Variants in ARRDC2 observed in about 807,000 individuals in gnomAD.
ARRDC2 encodes the protein arrestin domain containing 2, also known as arrestin domain-containing protein 2.
Under a neutral mutation model 38.9 loss-of-function variants are expected in ARRDC2, and 39 were observed. That is an observed-to-expected ratio of 1.00 (90% CI 0.78 to 1.31). The LOEUF (loss-of-function observed/expected upper bound fraction) is 1.31, where lower values mean the gene tolerates loss of function less well. Among genes scored for constraint, ARRDC2 ranks in the 50% most tolerant of loss-of-function variants. ARRDC2 has a pLI of 0.00. For synonymous variants in ARRDC2, 300 were observed against 261.9 expected, an observed-to-expected ratio of 1.15 and a Z score of -1.41; for missense variants, 553 against 588.4, an observed-to-expected ratio of 0.94 and a Z score of 0.62.
Position 18,009,807 on chromosome 19 carries a change from A to G in ARRDC2, c.617A>G (p.Glu206Gly), listed in dbSNP as rs1268182483. ...TPGEVIPVFA[E>G]IDNGSTRPVL... ...GGAGAGGTCATCCCTGTCTTTGCCG[A>G]GATCGACAACGGCTCCACACGTCCT... The change falls in exon 5 of 8, where the codon GAG becomes GGG. Residue 206 changes from glutamate (E) to glycine (G), a missense_variant. Physicochemically the swap from Glu to Gly is moderately conservative, Grantham distance 98. Around this residue, in one of 3 missense-constraint regions of ARRDC2, gnomAD observed 447 missense variants for 456.6 expected, o/e 0.98. Transcript: ENST00000222250. 5 of 1,612,618 alleles carry G rather than the reference A, an allele frequency of 3.1e-6. No individual in the cohort carries two copies. Among genetic ancestry groups the G allele is most frequent in the Non-Finnish European group, 4.2e-6 (5 of 1,179,922 alleles).
At chr19:18,009,535 A>T in intron 3 of ARRDC2, 57 bp from the exon 4 acceptor site, 1 of 1,492,836 alleles carries the variant, frequency 6.7e-7, no homozygotes, top group Non-Finnish European at 9.1e-7. Context: ...GAAGCTCCAC[A>T]GCGACTGTGG....
upstream of ARRDC2, among the ~76,000 whole-genome samples, chr19:18,006,880 A>T (rs886825029): frequency 5.3e-5 from 8 of 152,094 alleles, no homozygotes; most frequent in African/African-American, 1.9e-4. Context: ...TCTCCCCTCT[A>T]GTATCCATTG....
rs1293898658 is a variant in ARRDC2 at position 18,008,599 on chromosome 19, C to A, written c.274+15C>A. The A allele has an allele frequency of 5.0e-6, 8 of 1,593,982 alleles. No individual in the cohort carries two copies. The South Asian group carries it at 6.6e-5, about 13-fold the overall frequency. ...CCTGGCGCCAGGTACGGATGGAGGA[C>A]CCCTGCTCCAACACCAGTTGTGTGC... On this transcript the variant is annotated intron_variant, in intron 1 of 7. Transcript: ENST00000222250.
rs754945995 is a variant in ARRDC2, at chr19:18,009,983, C to A, written c.793C>A (p.Pro265Thr). 3 of 1,602,682 alleles carry A rather than the reference C, an allele frequency of 1.9e-6. No individual in the cohort carries two copies. The highest frequency in any genetic ancestry group is 2.5e-6 in the Non-Finnish European group (3 of 1,179,738). The change falls in exon 5 of 8, where the codon CCA becomes ACA. Residue 265 changes from proline to threonine, a missense_variant. Physicochemically the swap from Pro to Thr is conservative, Grantham distance 38. Transcript: ENST00000222250. Reference sequence around the variant, plus strand: ...GCAGGGCCGGGCACTGCGGATCCCCCCAGTGGGTCCTTCCATCCTGCACTG... The same window carrying A: ...GCAGGGCCGGGCACTGCGGATCCCCACAGTGGGTCCTTCCATCCTGCACTG... ...LWQGRALRIP[P>T]VGPSILHCRV... is the part of the protein sequence containing the mutation.
rs1234333297 is a variant in ARRDC2 at position 18,013,989 on chromosome 19, CCCAGCCCTGGCTGGGG to C, written c.*1025_*1040del. 1.3e-5 allele frequency: 2 copies of C among 152,108 alleles called. No homozygotes were observed. Among genetic ancestry groups the C allele is most frequent in the African/African-American group, 4.8e-5 (2 of 41,412 alleles). 9.4% of individuals were successfully genotyped at this position (152,108 alleles called of 1,614,324 possible). ...CTGGACAAGCTCCCAACTGCAGAGT[CCCAGCCCTGGCTGGGG>C]CAGGGCCCCGGCCTGGGACTCAGCA... is the stretch of plus-strand genomic sequence containing the variant. On this transcript the variant is annotated 3_prime_UTR_variant, in exon 8 of 8. Coordinates refer to ENST00000222250, the MANE Select transcript of ARRDC2 (RefSeq NM_015683.2).
chr19:18,010,309 C>T lies in ARRDC2; in HGVS notation c.963C>T (p.Ala321=), dbSNP rs750135649. 6.2e-7 allele frequency: 1 copy of T among 1,612,884 alleles called. No individual in the cohort carries two copies. The highest frequency in any genetic ancestry group is 1.1e-5 in the South Asian group (1 of 91,086). ...GTTCCTCCAGCGTGGGCAGCCACGCCAGCTTCCTGCTGGACTGGAGGCTGG... is the reference window on the plus strand; with the variant it reads ...GTTCCTCCAGCGTGGGCAGCCACGCTAGCTTCCTGCTGGACTGGAGGCTGG... The part of the protein sequence containing the change: ...GSRSSSVGSH[A]SFLLDWRLGA... The change falls in exon 6 of 8, where the codon GCC becomes GCT. Residue 321 remains alanine, a synonymous_variant. Coordinates refer to ENST00000222250, the MANE Select transcript of ARRDC2 (RefSeq NM_015683.2).
intron 5 of ARRDC2, 63 bp downstream of exon 5, chr19:18,010,102 G>A (rs1224520098): frequency 1.1e-5 from 18 of 1,603,904 alleles, no homozygotes; most frequent in Non-Finnish European, 8.5e-6. Flanking sequence ...CCTCAGACTG[G>A]GGGAAGCTGA....
chr19:18,007,892 C>T (rs557081017), upstream of ARRDC2: 9 of 283,294 alleles, frequency 3.2e-5, no homozygotes, highest in South Asian at 2.9e-4. Context: ...GACCTCAGGC[C>T]TGGGCCCTGC....
upstream of ARRDC2, among the ~76,000 whole-genome samples, chr19:18,007,014 G>T (rs899226735): frequency 2.3e-5 from 2 of 86,440 alleles, no homozygotes; most frequent in African/African-American, 1.0e-4. Flanking sequence ...ATCACGGGCT[G>T]AGGGTGACCG....
rs1568466963 is a variant in ARRDC2 at position 18,008,588 on chromosome 19, C to CGGAT, written c.274+8_274+11dup. 6.3e-7 allele frequency: 1 copy of CGGAT among 1,589,826 alleles called. No homozygotes were observed. On this transcript the variant is annotated splice_donor_region_variant and intron_variant, in intron 1 of 7. Transcript: ENST00000222250. ...CGCGCCACGCTCCTGGCGCCAGGTA[C>CGGAT]GGATGGAGGACCCCTGCTCCAACAC... is the stretch of plus-strand genomic sequence containing the variant.
Position 18,008,990 on chromosome 19 carries a change from G to A in ARRDC2, c.361G>A (p.Glu121Lys). Residue 121 changes from glutamate (E) to lysine (K), a missense_variant, in exon 3 of 8, where the codon GAG (glutamate) becomes AAG (lysine). Coordinates refer to ENST00000222250, the MANE Select transcript of ARRDC2 (RefSeq NM_015683.2). ...QLPPTLVTSF[E>K]GKHGSVRYCI... ...CCCTAGGACCCTGGTGACATCCTTC[G>A]AGGGCAAACACGGTAGTGTCCGCTA... The A allele has an allele frequency of 6.2e-7, 1 of 1,613,654 alleles. No individual in the cohort carries two copies. The highest frequency in any genetic ancestry group is 8.5e-7 in the Non-Finnish European group (1 of 1,179,968).
rs759223607 is a variant in ARRDC2, at chr19:18,009,630, C to T, written c.528C>T (p.Ser176=). The change falls in exon 4 of 8, where the codon TCC becomes TCT. Residue 176 remains serine, a synonymous_variant. Transcript: ENST00000222250. ...GGGCTCGGGAAAAGGTTGCCCGATC[C>T]TGGTACTGTAACCGTGGCCTAGTCT... is the stretch of plus-strand genomic sequence containing the variant. ...QAGAREKVAR[S]WYCNRGLVSL... is the part of the protein sequence containing the mutation. The T allele has an allele frequency of 1.2e-6, 2 of 1,610,536 alleles. No homozygotes were observed. The highest frequency in any genetic ancestry group is 1.3e-5 in the African/African-American group (1 of 74,844).
upstream of ARRDC2, among the ~76,000 whole-genome samples, chr19:18,005,022 T>G (rs2033244829): frequency 2.7e-5 from 4 of 150,674 alleles, no homozygotes; most frequent in African/African-American, 9.8e-5. Context: ...AAAAATTTTT[T>G]TTTTTTAATT....
Position 18,009,978 on chromosome 19 carries a change from T to C in ARRDC2, c.788T>C (p.Ile263Thr). The change falls in exon 5 of 8, where the codon ATC (isoleucine) becomes ACC (threonine). Residue 263 changes from isoleucine to threonine, a missense_variant. By Grantham distance (89) the Ile-to-Thr change is moderately conservative (BLOSUM62 -1). Around this residue, in one of 3 missense-constraint regions of ARRDC2, gnomAD observed 447 missense variants for 456.6 expected, o/e 0.98. Transcript: ENST00000222250. ...RALWQGRALRIPPVGPSILHC... is the reference protein window; with the variant it reads ...RALWQGRALRTPPVGPSILHC... ...CTGTGGCAGGGCCGGGCACTGCGGA[T>C]CCCCCCAGTGGGTCCTTCCATCCTG... 1 of 1,602,856 alleles carries C rather than the reference T, an allele frequency of 6.2e-7. No homozygotes were observed. Among genetic ancestry groups the C allele is most frequent in the Non-Finnish European group, 8.5e-7 (1 of 1,179,666 alleles).
chr19:18,008,850 T>C (rs2033341205), intron 2 of ARRDC2, 73 bp downstream of exon 2: 2 of 1,595,284 alleles, frequency 1.3e-6, no homozygotes, highest in Admixed American at 1.7e-5. Context: ...ATACTGGATA[T>C]CTGGGCACCT....
chr19:18,002,738 G>C (rs1477598159), intron 1 of ARRDC2, among the ~76,000 whole-genome samples: 1 of 152,158 alleles, frequency 6.6e-6, no homozygotes, highest in Non-Finnish European at 1.5e-5. Context: ...CTTCCCCGGC[G>C]ACTCGGAGAA....
chr19:18,008,715 C>T lies in ARRDC2; in HGVS notation c.279C>T (p.Thr93=), dbSNP rs376849193. ...SHRATLLAPD[T]GETTTLPPGR... is the part of the protein sequence containing the mutation. Reference sequence around the variant, plus strand: ...TCCTTTTTCTCCTACCTGCAGATACCGGGGAGACCACGACGCTGCCTCCTG... The same window carrying T: ...TCCTTTTTCTCCTACCTGCAGATACTGGGGAGACCACGACGCTGCCTCCTG... The change falls in exon 2 of 8, where the codon ACC becomes ACT. Residue 93 remains threonine (T), a synonymous_variant. Transcript: ENST00000222250. 10 of 1,613,292 alleles carry T rather than the reference C, an allele frequency of 6.2e-6. No homozygotes were observed. The East Asian group carries it at 6.7e-5, about 11-fold the overall frequency.
intron 7 of ARRDC2, among the ~76,000 whole-genome samples, chr19:18,011,584 G>C (rs756869465): frequency 6.6e-6 from 1 of 152,030 alleles, no homozygotes; most frequent in Non-Finnish European, 1.5e-5. Context: ...AAATATGATA[G>C]GCTGGGTGCG....
chr19:18,012,176 C>T (rs973402565), intron 7 of ARRDC2, among the ~76,000 whole-genome samples: 1 of 149,280 alleles, frequency 6.7e-6, no homozygotes, highest in African/African-American at 2.5e-5. Flanking sequence ...CCAGGCTGGT[C>T]TAGAATTCCT....
Sources: allele counts gnomAD v4.1 joint callset (sites outside exome capture counted in the v4.1 genomes callset), GRCh38; gene constraint gnomAD v4.1.1; regional missense constraint gnomAD v4.1.1; transcripts MANE v1.5; gene names NCBI Gene and HGNC (gene_info 2026-07-23, HGNC 2026-07-21).